The following RFX3 variants were observed in gnomAD, a reference collection of about 807,000 sequenced individuals.
The protein encoded by RFX3 is transcription factor RFX3.
In RFX3, 14 loss-of-function variants were observed where a neutral mutation model predicts 98.6. The observed-to-expected ratio is 0.14, with a 90% CI of 0.09 to 0.22. The LOEUF (loss-of-function observed/expected upper bound fraction) is 0.22, where lower values mean the gene tolerates loss of function less well. RFX3 is among the 10% of genes least tolerant of loss of function. RFX3 has a pLI of 1.00. For synonymous variants in RFX3, 383 were observed against 328.4 expected (o/e 1.17, Z -1.80); for missense variants, 639 against 926.9 (o/e 0.69, Z 4.03).
At position 3,277,324 on chromosome 9, in the gene RFX3, T is replaced by G; in HGVS notation, c.973+16A>C. ...AAATCCTAGTAGCAACTAATATGCA[T>G]TACACCTTAACATACCTAAAAACTG... On this transcript the variant is annotated intron_variant, in intron 8 of 16. Transcript: ENST00000617270. 6.2e-7 allele frequency: 1 copy of G among 1,611,802 alleles called. No homozygotes were observed. The highest frequency in any genetic ancestry group is 8.5e-7 in the Non-Finnish European group (1 of 1,178,350).
In RFX3 at chr9:3,457,374, G is replaced by A. The variant is rs1847286673; in HGVS notation, c.-8-61778C>T. On this transcript the variant is annotated intron_variant, in intron 1 of 16. Transcript: ENST00000617270. ...TTTAATCCTAGGACATTAACTAGTT[G>A]AGAGCAAAAAAGTGCTTTCTCATCA... Among the ~76,000 whole-genome samples, 4 of 151,934 alleles carry A rather than the reference G, an allele frequency of 2.6e-5. No homozygotes were observed. In the South Asian group the frequency reaches 8.3e-4, roughly 31 times the overall value.
intron 1 of RFX3, among the ~76,000 whole-genome samples, chr9:3,402,752 T>C (rs1841590776): frequency 1.3e-5 from 2 of 152,004 alleles, no homozygotes; most frequent in Admixed American, 6.6e-5. Flanking sequence ...GTAGCATATA[T>C]AGTGTCTATA....
At chr9:3,425,548 C>A (rs1843937543) in intron 1 of RFX3, among the ~76,000 whole-genome samples, 4 of 152,192 alleles carry the variant, frequency 2.6e-5, no homozygotes, top group Admixed American at 6.5e-5. Context: ...TTAGCTGCTT[C>A]TTCCTGAATA....
chr9:3,239,312 A>G (rs1225058970), intron 15 of RFX3, among the ~76,000 whole-genome samples: 2 of 152,172 alleles, frequency 1.3e-5, no homozygotes, highest in Non-Finnish European at 2.9e-5. Context: ...TTTTCTTTGT[A>G]TGTGTATGTG....
At chr9:3,302,549 A>G (rs1249420215) in intron 4 of RFX3, among the ~76,000 whole-genome samples, 2 of 151,818 alleles carry the variant, frequency 1.3e-5, no homozygotes, top group Non-Finnish European at 2.9e-5. Flanking sequence ...AAATCACACC[A>G]TGCAATTTAA....
chr9:3,326,918 G>A (rs1051810944), intron 4 of RFX3, among the ~76,000 whole-genome samples: 7 of 151,984 alleles, frequency 4.6e-5, no homozygotes, highest in East Asian at 1.9e-4. Flanking sequence ...GTGACCCAAC[G>A]GACTATTTCT....
intron 2 of RFX3, among the ~76,000 whole-genome samples, chr9:3,354,886 C>T (rs1036012842): frequency 2.6e-5 from 4 of 151,592 alleles, no homozygotes; most frequent in Admixed American, 2.6e-4. Context: ...ACTTTTCTGA[C>T]TATGTAGAGC....
chr9:3,324,624 T>C (rs934111905), intron 4 of RFX3, among the ~76,000 whole-genome samples: 7 of 151,380 alleles, frequency 4.6e-5, no homozygotes, highest in Non-Finnish European at 4.4e-5. Flanking sequence ...AAAAAATATA[T>C]ATTCTGCTTG....
intron 8 of RFX3, among the ~76,000 whole-genome samples, chr9:3,277,104 G>T (rs1825324565): frequency 1.3e-5 from 2 of 151,954 alleles, no homozygotes; most frequent in Admixed American, 1.3e-4. Flanking sequence ...TCATAGCAAT[G>T]AGTCTTTAAT....
At chr9:3,501,074 T>C (rs956918809) in intron 1 of RFX3, among the ~76,000 whole-genome samples, 4 of 152,180 alleles carry the variant, frequency 2.6e-5, no homozygotes, top group Admixed American at 1.3e-4. Flanking sequence ...TAATTAAGTG[T>C]GGCATTCGTA....
intron 1 of RFX3, among the ~76,000 whole-genome samples, chr9:3,443,657 A>C (rs1845795180): frequency 6.6e-6 from 1 of 152,202 alleles, no homozygotes; most frequent in African/African-American, 2.4e-5. Flanking sequence ...ATAGTGCTGC[A>C]ATAAATATAC....
intron 1 of RFX3, among the ~76,000 whole-genome samples, chr9:3,442,771 T>C (rs1464580561): frequency 6.6e-6 from 1 of 152,192 alleles, no homozygotes; most frequent in Non-Finnish European, 1.5e-5. Flanking sequence ...TAGACCTAAG[T>C]GTAAAACATA....
chr9:3,492,247 T>C (rs778189702), intron 1 of RFX3, among the ~76,000 whole-genome samples: 71 of 152,224 alleles, frequency 4.7e-4, no homozygotes, highest in Non-Finnish European at 8.7e-4. Context: ...TGAAACCCAG[T>C]GATCTTTCAT....
intron 11 of RFX3, among the ~76,000 whole-genome samples, chr9:3,269,478 G>A (rs574658730): frequency 2.0e-5 from 3 of 152,036 alleles, no homozygotes; most frequent in Non-Finnish European, 4.4e-5. Context: ...CTTTATTGAT[G>A]TCAATGTAGA....
At chr9:3,412,533 A>G (rs1842547701) in intron 1 of RFX3, among the ~76,000 whole-genome samples, 1 of 152,192 alleles carries the variant, frequency 6.6e-6, no homozygotes, top group African/African-American at 2.4e-5. Flanking sequence ...AGAGGGCTCT[A>G]AACAAAAATA....
chr9:3,502,443 A>G (rs1816129260), intron 1 of RFX3, among the ~76,000 whole-genome samples: 1 of 152,194 alleles, frequency 6.6e-6, no homozygotes, highest in South Asian at 2.1e-4. Context: ...TATGAATGCC[A>G]AAAACTCACT....
At chr9:3,329,756 C>T (rs533052110) in intron 4 of RFX3, among the ~76,000 whole-genome samples, 1 of 152,214 alleles carries the variant, frequency 6.6e-6, no homozygotes, top group African/African-American at 2.4e-5. Flanking sequence ...ATACAGGTGG[C>T]ATGAGAAAAT....
chr9:3,394,966 G>T, intron 2 of RFX3: 1 of 339,044 alleles, frequency 2.9e-6, no homozygotes, highest in Non-Finnish European at 4.2e-6. Context: ...TCCAGACCTT[G>T]AAGATTATTC....
At position 3,443,567 on chromosome 9, in the gene RFX3, G is replaced by A. The variant is rs184580740; in HGVS notation, c.-8-47971C>T. Among the ~76,000 whole-genome samples the A allele has an allele frequency of 1.7e-3, 263 of 152,188 alleles. 2 individuals carry two copies. The highest frequency in any genetic ancestry group is 6.2e-3 in the African/African-American group (256 of 41,512). The stretch of plus-strand genomic sequence containing the variant: ...TTTTTATGGCTGCATAATATTACAT[G>A]GTGTATATGCACCACATTTTCTTTA... On this transcript the variant is annotated intron_variant, in intron 1 of 16. Transcript: ENST00000617270.
Sources: gnomAD v4.1 joint callset for allele counts (sites outside exome capture counted in the v4.1 genomes callset) on GRCh38, gnomAD v4.1.1 for gene constraint, MANE v1.5 for transcripts, NCBI Gene and HGNC (gene_info 2026-07-23, HGNC 2026-07-21) for gene names.